RELL1: variants seen among roughly 807,000 people sequenced by gnomAD.
RELL1 encodes RELT-like protein 1.
A neutral mutation model predicts 23.0 loss-of-function variants in RELL1; 10 were observed. The ratio of observed to expected loss-of-function variants is 0.43; its 90% CI spans 0.27 to 0.74. The LOEUF (loss-of-function observed/expected upper bound fraction) is 0.74. Among genes scored for constraint, RELL1 ranks in the 30% least tolerant of loss-of-function variants. The pLI is 0.19. For synonymous variants in RELL1, 146 were observed against 146.8 expected, an observed-to-expected ratio of 0.99 and a Z score of 0.04; for missense variants, 315 against 364.4, an observed-to-expected ratio of 0.86 and a Z score of 1.10.
At chr4:37,607,108 C>T (rs540340789), downstream of RELL1, among the ~76,000 whole-genome samples, 1 of 152,312 alleles carries the variant, frequency 6.6e-6, no homozygotes, top group South Asian at 2.1e-4. Flanking sequence ...CTGATCAGTA[C>T]ATTCGAGTGT....
chr4:37,646,022 C>T (rs1252601004), intron 3 of RELL1, among the ~76,000 whole-genome samples: 2 of 152,198 alleles, frequency 1.3e-5, no homozygotes, highest in African/African-American at 4.8e-5. Flanking sequence ...GTATTTCAAC[C>T]TTTAGACAAA....
chr4:37,631,357 C>T, intron 6 of RELL1, 28 bp downstream of exon 6: 6 of 1,604,546 alleles, frequency 3.7e-6, no homozygotes, highest in Non-Finnish European at 5.1e-6. Flanking sequence ...ACCACTCTGC[C>T]CCCAATGTCA....
chr4:37,616,394 A>G (rs1719576222), intron 6 of RELL1, among the ~76,000 whole-genome samples: 1 of 152,216 alleles, frequency 6.6e-6, no homozygotes. Flanking sequence ...CACCCACAGC[A>G]TCACTGGAAT....
At chr4:37,619,417 G>A (rs1034874807) in intron 6 of RELL1, among the ~76,000 whole-genome samples, 4 of 151,466 alleles carry the variant, frequency 2.6e-5, no homozygotes, top group Non-Finnish European at 4.4e-5. Context: ...TCCTGACCTC[G>A]TGATCCACCT....
intron 5 of RELL1, 65 bp downstream of exon 5, chr4:37,634,822 G>A: frequency 3.1e-6 from 4 of 1,301,436 alleles, no homozygotes; most frequent in Non-Finnish European, 4.5e-6. Flanking sequence ...TGACAGGTAA[G>A]CAGAAGTCCA....
chr4:37,621,629 T>C (rs1420238438), intron 6 of RELL1, among the ~76,000 whole-genome samples: 1 of 152,168 alleles, frequency 6.6e-6, no homozygotes, highest in Non-Finnish European at 1.5e-5. Context: ...CCAAAGTCTC[T>C]AGCCTCCAAC....
chr4:37,590,968 A>G (rs372617352), exon 7 of RELL1: 4 of 1,613,212 alleles, frequency 2.5e-6, no homozygotes, highest in Non-Finnish European at 3.4e-6. Context: ...AGAAGCTGCT[A>G]CTGCAGGAGA....
intron 1 of RELL1, among the ~76,000 whole-genome samples, chr4:37,656,358 G>C (rs561182870): frequency 5.3e-5 from 8 of 152,144 alleles, no homozygotes; most frequent in African/African-American, 1.9e-4. Flanking sequence ...GGAGGGCAGG[G>C]GAATAGGGAT....
In RELL1 at chr4:37,604,850, C is replaced by T. The variant is rs757948643; in HGVS notation, c.*4-13633G>A. Among the ~76,000 whole-genome samples, 61 of 89,096 alleles carry T rather than the reference C, an allele frequency of 6.8e-4. 1 individual carries two copies. The highest frequency in any genetic ancestry group is 2.2e-3 in the African/African-American group (40 of 18,316). 58.5% of individuals were successfully genotyped at this position (89,096 alleles called of 152,430 possible). A position where few individuals can be genotyped will look rare whatever the true frequency, so the allele number is the denominator to read the frequency against. ...ACACACATACACACAGACACACACACAGACACACACACACAGACACACACA... is the reference window on the plus strand; with the variant it reads ...ACACACATACACACAGACACACACATAGACACACACACACAGACACACACA... On this transcript the variant is annotated intron_variant, in intron 6 of 6. Coordinates refer to the RELL1 transcript ENST00000314117.
chr4:37,652,945 G>C (rs374969579), intron 1 of RELL1, among the ~76,000 whole-genome samples: 1 of 152,146 alleles, frequency 6.6e-6, no homozygotes. Flanking sequence ...CACCTTAGGC[G>C]AGTAATTTTA....
intron 6 of RELL1, among the ~76,000 whole-genome samples, chr4:37,595,139 A>G (rs2109476184): frequency 6.6e-6 from 1 of 152,344 alleles, no homozygotes; most frequent in East Asian, 1.9e-4. Flanking sequence ...ACAAGCTGAC[A>G]TCTGTTTTTC....
At chr4:37,645,101 A>G (rs1404318206) in intron 3 of RELL1, among the ~76,000 whole-genome samples, 1 of 152,248 alleles carries the variant, frequency 6.6e-6, no homozygotes, top group Non-Finnish European at 1.5e-5. Flanking sequence ...TATGACGTCG[A>G]TACGTGAGAA....
downstream of RELL1, among the ~76,000 whole-genome samples, chr4:37,586,542 A>G (rs1410719033): frequency 1.3e-5 from 2 of 152,220 alleles, no homozygotes; most frequent in Admixed American, 1.3e-4. Context: ...TTGGTCCTCA[A>G]GCATGAAGTG....
chr4:37,685,968 C>T (rs916812659), intron 1 of RELL1, among the ~76,000 whole-genome samples: 5 of 152,320 alleles, frequency 3.3e-5, no homozygotes, highest in Admixed American at 6.5e-5. Context: ...CGGAGGAGGC[C>T]CCAGGGAGGG....
intron 6 of RELL1, among the ~76,000 whole-genome samples, chr4:37,628,024 C>CT (rs898920376): frequency 6.6e-6 from 1 of 151,996 alleles, no homozygotes; most frequent in African/African-American, 2.4e-5. Flanking sequence ...CCCAAACATA[C>CT]TTTTTTTGGG....
At chr4:37,676,521 C>A (rs1722028838) in intron 1 of RELL1, among the ~76,000 whole-genome samples, 1 of 152,176 alleles carries the variant, frequency 6.6e-6, no homozygotes, top group African/African-American at 2.4e-5. Context: ...AATCTCTGCA[C>A]TGAAAATGCT....
chr4:37,637,138 A>G (rs142810301), intron 4 of RELL1, among the ~76,000 whole-genome samples: 1 of 152,314 alleles, frequency 6.6e-6, no homozygotes, highest in African/African-American at 2.4e-5. Flanking sequence ...AAGATGACTG[A>G]GACAAAGACA....
At chr4:37,605,977 G>A (rs1289101300), downstream of RELL1, among the ~76,000 whole-genome samples, 1 of 146,854 alleles carries the variant, frequency 6.8e-6, no homozygotes, top group Non-Finnish European at 1.5e-5. Flanking sequence ...GAGGGAGGAA[G>A]GAAGGGAAGA....
chr4:37,679,844 C>T (rs747414044), intron 1 of RELL1, among the ~76,000 whole-genome samples: 12 of 151,974 alleles, frequency 7.9e-5, no homozygotes, highest in Non-Finnish European at 1.5e-4. Flanking sequence ...CCCAGCTACT[C>T]GGGAGGCTGA....
Sources: allele counts gnomAD v4.1 joint callset (sites outside exome capture counted in the v4.1 genomes callset), GRCh38; gene constraint gnomAD v4.1.1; transcripts MANE v1.5; gene names NCBI Gene and HGNC (gene_info 2026-07-23, HGNC 2026-07-21).